RANBP17: variants seen among roughly 807,000 people sequenced by gnomAD.
The protein encoded by RANBP17 is RAN binding protein 17, also known as ran-binding protein 17.
A neutral mutation model predicts 141.2 loss-of-function variants in RANBP17; 158 were observed. The ratio of observed to expected loss-of-function variants is 1.12; its 90% CI spans 0.98 to 1.28. The LOEUF (loss-of-function observed/expected upper bound fraction) is 1.28. Among genes scored for constraint, RANBP17 ranks in the 50% most tolerant of loss-of-function variants. The pLI, the probability that RANBP17 is intolerant of heterozygous loss-of-function variation, is 0.00. For synonymous variants in RANBP17, 430 were observed against 450.0 expected (o/e 0.96, Z 0.56); for missense variants, 1,438 against 1,290.7 (o/e 1.11, Z -1.75).
intron 14 of RANBP17, among the ~76,000 whole-genome samples, chr5:171,077,257 G>T (rs150215484): frequency 6.6e-6 from 1 of 151,802 alleles, no homozygotes; most frequent in African/African-American, 2.4e-5. Flanking sequence ...GGAGAATGGC[G>T]TGAACCCGGT....
chr5:171,198,290 A>G (rs1762094678), intron 18 of RANBP17, among the ~76,000 whole-genome samples: 1 of 152,204 alleles, frequency 6.6e-6, no homozygotes, highest in Admixed American at 6.5e-5. Flanking sequence ...TACTCAGGAT[A>G]CTGACCTTCG....
At chr5:171,099,507 G>A (rs746685649) in intron 14 of RANBP17, among the ~76,000 whole-genome samples, 2 of 152,188 alleles carry the variant, frequency 1.3e-5, no homozygotes, top group East Asian at 3.9e-4. Context: ...TTTGGGCTGA[G>A]ATGTTGGGGT....
intron 14 of RANBP17, among the ~76,000 whole-genome samples, chr5:171,020,727 G>A (rs4371776): frequency 0.67 from 101,806 of 151,724 alleles, 34,398 homozygotes; most frequent in South Asian, 0.89. Context: ...ACTCTATCCA[G>A]TTTGCCGGTC....
At chr5:171,234,253 G>A (rs546365012) in intron 22 of RANBP17, among the ~76,000 whole-genome samples, 229 of 152,256 alleles carry the variant, frequency 1.5e-3, no homozygotes, top group African/African-American at 5.4e-3. Context: ...GTCTTAAGGC[G>A]GGAGTGTATC....
At chr5:170,924,908 A>C (rs2127446916) in intron 12 of RANBP17, 1 of 161,398 alleles carries the variant, frequency 6.2e-6, no homozygotes, top group Non-Finnish European at 1.4e-5. Flanking sequence ...GCCAATAAAA[A>C]GTATATAATA....
At chr5:171,252,986 GA>G (rs1765668752) in intron 24 of RANBP17, 1 of 1,339,312 alleles carries the variant, frequency 7.5e-7, no homozygotes, top group African/African-American at 1.4e-5. Context: ...TCTCGGGATT[GA>G]GGGGGAACCG....
intron 22 of RANBP17, among the ~76,000 whole-genome samples, chr5:171,232,732 A>G (rs1049840294): frequency 3.3e-5 from 5 of 152,134 alleles, no homozygotes; most frequent in African/African-American, 1.2e-4. Flanking sequence ...ATATCATAAT[A>G]TACTTGCTAG....
chr5:171,004,574 C>G (rs942626152), intron 14 of RANBP17, among the ~76,000 whole-genome samples: 8 of 152,160 alleles, frequency 5.3e-5, no homozygotes, highest in African/African-American at 1.9e-4. Flanking sequence ...CGGACTTACT[C>G]TTCTCTGTAA....
intron 22 of RANBP17, among the ~76,000 whole-genome samples, chr5:171,225,260 C>G (rs563890684): frequency 6.6e-6 from 1 of 152,300 alleles, no homozygotes; most frequent in East Asian, 1.9e-4. Context: ...TGATTTCTAT[C>G]TCAAAACTTA....
At chr5:171,268,571 C>T (rs1156277657) in intron 25 of RANBP17, among the ~76,000 whole-genome samples, 1 of 152,018 alleles carries the variant, frequency 6.6e-6, no homozygotes, top group Non-Finnish European at 1.5e-5. Flanking sequence ...ATGCAGTAAC[C>T]ACTGGTACTG....
At chr5:171,006,918 C>G (rs1225279728) in intron 14 of RANBP17, among the ~76,000 whole-genome samples, 1 of 152,048 alleles carries the variant, frequency 6.6e-6, no homozygotes, top group African/African-American at 2.4e-5. Context: ...GTTTTAAGCC[C>G]TTCAACTAGG....
intron 14 of RANBP17, among the ~76,000 whole-genome samples, chr5:171,079,935 GTC>G (rs1227632063): frequency 1.3e-5 from 2 of 152,120 alleles, no homozygotes; most frequent in Non-Finnish European, 2.9e-5. Context: ...GAAAATATAA[GTC>G]TTGACTGGTA....
chr5:171,031,567 G>T (rs1781550578), intron 14 of RANBP17, among the ~76,000 whole-genome samples: 2 of 151,934 alleles, frequency 1.3e-5, no homozygotes, highest in African/African-American at 4.8e-5. Context: ...GGATTTGATT[G>T]CATTACTGTA....
chr5:171,258,402 A>G (rs187853766), intron 24 of RANBP17, among the ~76,000 whole-genome samples: 1 of 152,188 alleles, frequency 6.6e-6, no homozygotes, highest in Non-Finnish European at 1.5e-5. Context: ...ATGTGGAACC[A>G]TAAAAGAGCC....
At chr5:171,012,537 C>T (rs1220746887) in intron 14 of RANBP17, among the ~76,000 whole-genome samples, 6 of 152,088 alleles carry the variant, frequency 3.9e-5, no homozygotes, top group Non-Finnish European at 7.4e-5. Flanking sequence ...GATTCTCACT[C>T]TTTACTGAGA....
intron 24 of RANBP17, among the ~76,000 whole-genome samples, chr5:171,246,133 A>C (rs1481630131): frequency 1.3e-5 from 2 of 152,078 alleles, no homozygotes; most frequent in Non-Finnish European, 2.9e-5. Context: ...CACCCACCTC[A>C]GCCTCCGAAA....
chr5:171,067,863 CTT>C (rs1387424584), intron 14 of RANBP17, among the ~76,000 whole-genome samples: 1 of 151,866 alleles, frequency 6.6e-6, no homozygotes, highest in Non-Finnish European at 1.5e-5. Flanking sequence ...GTGTGGATCT[CTT>C]TTAATTTATT....
At chr5:170,909,578 CTTTTTTTTTT>C (rs386405668) in intron 5 of RANBP17, 73 bp from the exon 6 acceptor site, 10 of 240,616 alleles carry the variant, frequency 4.2e-5, no homozygotes, top group East Asian at 1.8e-4. Context: ...AGTTTATTTC[CTTTTTTTTTT>C]TTTTTTTTTT....
At chr5:171,071,067 G>A (rs810497) in intron 14 of RANBP17, among the ~76,000 whole-genome samples, 2 of 151,802 alleles carry the variant, frequency 1.3e-5, no homozygotes, top group African/African-American at 4.8e-5. Context: ...AAAAAAATTT[G>A]TATGAATTAC....
Sources: allele counts gnomAD v4.1 joint callset (sites outside exome capture counted in the v4.1 genomes callset), GRCh38; gene constraint gnomAD v4.1.1; transcripts MANE v1.5; gene names NCBI Gene and HGNC (gene_info 2026-07-23, HGNC 2026-07-21).